B3GAT2: variants seen among roughly 807,000 people sequenced by gnomAD.
B3GAT2 encodes the protein beta-1,3-glucuronyltransferase 2.
In B3GAT2, 26 loss-of-function variants were observed where a neutral mutation model predicts 27.8. That is an observed-to-expected ratio of 0.93 (90% CI 0.68 to 1.30). The LOEUF (loss-of-function observed/expected upper bound fraction) is 1.30. Ranked by LOEUF, B3GAT2 falls within the 50% of genes most tolerant of loss-of-function variation. B3GAT2 has a pLI of 0.00. For synonymous variants in B3GAT2, 218 were observed against 195.1 expected (o/e 1.12, Z -0.98); for missense variants, 458 against 459.0 (o/e 1.00, Z 0.02).
chr6:70,874,385 G>A (rs1771981396), intron 2 of B3GAT2, among the ~76,000 whole-genome samples: 1 of 152,168 alleles, frequency 6.6e-6, no homozygotes, highest in Non-Finnish European at 1.5e-5. Flanking sequence ...TCTTTGCCAA[G>A]ATGCTCTGTG....
Position 70,907,441 on chromosome 6 carries a change from C to T in B3GAT2, c.592-13169G>A, listed in dbSNP as rs185783937. On this transcript the variant is annotated intron_variant, in intron 1 of 3. Coordinates refer to ENST00000230053, the MANE Select transcript of B3GAT2 (RefSeq NM_080742.3). ...GGAGAGCATTGGAAAGACTTCAGGA[C>T]GGTGATGACACCACTGAGTCACTAA... is the stretch of plus-strand genomic sequence containing the variant. 1.3e-4 allele frequency among the ~76,000 whole-genome samples: 20 copies of T among 152,288 alleles called. 1 individual carries two copies. The highest frequency in any genetic ancestry group is 1.9e-4 in the East Asian group (1 of 5,180).
intron 1 of B3GAT2, among the ~76,000 whole-genome samples, chr6:70,926,133 T>G (rs1413744166): frequency 6.6e-6 from 1 of 151,934 alleles, no homozygotes; most frequent in African/African-American, 2.4e-5. Flanking sequence ...AGCATCAACA[T>G]CAACAAAAAG....
intron 1 of B3GAT2, among the ~76,000 whole-genome samples, chr6:70,925,939 T>C (rs1445354534): frequency 6.6e-6 from 1 of 152,110 alleles, no homozygotes; most frequent in East Asian, 1.9e-4. Flanking sequence ...CCCTCTGAGA[T>C]GAAGGTTCCA....
chr6:70,888,502 T>C (rs895130371), intron 2 of B3GAT2, among the ~76,000 whole-genome samples: 1 of 152,098 alleles, frequency 6.6e-6, no homozygotes, highest in Non-Finnish European at 1.5e-5. Flanking sequence ...AAGTCCCCAA[T>C]AGCTGTGGTA....
intron 1 of B3GAT2, among the ~76,000 whole-genome samples, chr6:70,896,445 A>T (rs956433320): frequency 2.0e-5 from 3 of 152,206 alleles, no homozygotes; most frequent in Non-Finnish European, 4.4e-5. Context: ...ACATTTTGAC[A>T]TATGTATATA....
intron 2 of B3GAT2, among the ~76,000 whole-genome samples, chr6:70,883,059 C>T (rs1047117496): frequency 3.3e-5 from 5 of 152,132 alleles, no homozygotes; most frequent in Non-Finnish European, 5.9e-5. Flanking sequence ...AAAACTAATA[C>T]AACAAAACAG....
intron 1 of B3GAT2, among the ~76,000 whole-genome samples, chr6:70,949,805 A>C (rs1031598836): frequency 6.6e-6 from 1 of 151,658 alleles, no homozygotes; most frequent in African/African-American, 2.4e-5. Context: ...GAACCAACCC[A>C]AATGTCCAAC....
chr6:70,930,724 T>C (rs1773048100), intron 1 of B3GAT2, among the ~76,000 whole-genome samples: 1 of 152,212 alleles, frequency 6.6e-6, no homozygotes, highest in South Asian at 2.1e-4. Context: ...GGAACACTTT[T>C]ACACTGTTGG....
chr6:70,944,193 C>T (rs549998301), intron 1 of B3GAT2, among the ~76,000 whole-genome samples: 14 of 152,216 alleles, frequency 9.2e-5, no homozygotes, highest in South Asian at 6.2e-4. Context: ...GTACCGGGTT[C>T]ATCTCACTAG....
intron 2 of B3GAT2, among the ~76,000 whole-genome samples, chr6:70,864,052 A>T (rs1263795620): frequency 1.3e-5 from 2 of 148,548 alleles, no homozygotes; most frequent in African/African-American, 4.9e-5. Context: ...CTTATAAATA[A>T]GCTTTATCCT....
intron 2 of B3GAT2, among the ~76,000 whole-genome samples, chr6:70,866,877 C>T (rs1771859919): frequency 6.6e-6 from 1 of 152,174 alleles, no homozygotes; most frequent in Admixed American, 6.5e-5. Flanking sequence ...TTTTAAAGTA[C>T]ACATGGAACA....
chr6:70,954,233 G>T (rs1031752366), intron 1 of B3GAT2, among the ~76,000 whole-genome samples: 25 of 152,154 alleles, frequency 1.6e-4, no homozygotes, highest in Admixed American at 7.9e-4. Context: ...TCTTTTGGAG[G>T]GGGGAGCACT....
chr6:70,933,454 A>G (rs1185243216), intron 1 of B3GAT2, among the ~76,000 whole-genome samples: 2 of 152,222 alleles, frequency 1.3e-5, no homozygotes, highest in Non-Finnish European at 2.9e-5. Context: ...CATGAGCCCC[A>G]AATACTCTGA....
At position 70,956,394 on chromosome 6, in the gene B3GAT2, G is replaced by A; in HGVS notation, c.36C>T (p.Leu12=). The change falls in exon 1 of 4, where the codon CTC becomes CTT. Residue 12 remains leucine (L), a synonymous_variant. Coordinates refer to ENST00000230053, the MANE Select transcript of B3GAT2 (RefSeq NM_080742.3). Reference sequence around the variant, plus strand: ...TGATGACAATTAGGATCCAGGGCAGGAGGATAAAGAAGCGGGTGAAAAGCG... The same window carrying A: ...TGATGACAATTAGGATCCAGGGCAGAAGGATAAAGAAGCGGGTGAAAAGCG... ...KSALFTRFFI[L]LPWILIVIIM... The A allele has an allele frequency of 1.3e-6, 2 of 1,553,384 alleles. No individual in the cohort carries two copies. The highest frequency in any genetic ancestry group is 1.7e-6 in the Non-Finnish European group (2 of 1,147,872).
chr6:70,926,486 C>G (rs1772960979), intron 1 of B3GAT2, among the ~76,000 whole-genome samples: 1 of 152,088 alleles, frequency 6.6e-6, no homozygotes, highest in Non-Finnish European at 1.5e-5. Context: ...CTTAAATGAC[C>G]TGATGGAGCT....
In B3GAT2 at chr6:70,927,385, T is replaced by C. The variant is rs58544241; in HGVS notation, c.591+28454A>G. The stretch of plus-strand genomic sequence containing the variant: ...CAATTAAAAGACACAGACTGGCAAA[T>C]TGGATAAAGAGTCAAGACCCATCAG... On this transcript the variant is annotated intron_variant, in intron 1 of 3. Coordinates refer to ENST00000230053, the MANE Select transcript of B3GAT2 (RefSeq NM_080742.3). Among the ~76,000 whole-genome samples, 1,477 of 152,162 alleles carry C rather than the reference T, an allele frequency of 9.7e-3. 25 individuals carry two copies. Among genetic ancestry groups the C allele is most frequent in the African/African-American group, 0.034 (1,428 of 41,492 alleles).
intron 2 of B3GAT2, among the ~76,000 whole-genome samples, chr6:70,868,162 C>T (rs1051145142): frequency 3.9e-5 from 6 of 152,238 alleles, no homozygotes; most frequent in Admixed American, 6.5e-5. Context: ...ACTTTCTCAA[C>T]TTAATAAGGA....
intron 2 of B3GAT2, among the ~76,000 whole-genome samples, chr6:70,885,160 A>G (rs1018277599): frequency 2.0e-5 from 3 of 152,202 alleles, no homozygotes; most frequent in African/African-American, 7.2e-5. Flanking sequence ...GTGGTGAAAA[A>G]GGACATTTGC....
intron 1 of B3GAT2, among the ~76,000 whole-genome samples, chr6:70,902,665 CAT>C (rs55706412): frequency 0.01 from 1,104 of 105,640 alleles, 10 homozygotes; most frequent in African/African-American, 0.024. Context: ...CACACACACA[CAT>C]ATATATATAT....
Sources: gnomAD v4.1 joint callset for allele counts (sites outside exome capture counted in the v4.1 genomes callset) on GRCh38, gnomAD v4.1.1 for gene constraint, MANE v1.5 for transcripts, NCBI Gene and HGNC (gene_info 2026-07-23, HGNC 2026-07-21) for gene names.